Variants in KIAA1549 observed in about 807,000 individuals in gnomAD.
KIAA1549 encodes KIAA1549.
In KIAA1549, 70 loss-of-function variants were observed where a neutral mutation model predicts 156.4. The ratio of observed to expected loss-of-function variants is 0.45; its 90% CI spans 0.37 to 0.55. The LOEUF (loss-of-function observed/expected upper bound fraction) is 0.55. KIAA1549 is among the 20% of genes least tolerant of loss of function. The probability of loss-of-function intolerance (pLI) is 0.00; values close to 1 mark genes in which losing one functional copy is unlikely to be tolerated. For missense variants in KIAA1549, 2,428 were observed against 2,540.9 expected (o/e 0.96, Z 0.96); for synonymous variants, 1,103 against 1,066.4 (o/e 1.03, Z -0.67).
rs550110116 is a variant in KIAA1549 at position 138,834,636 on chromosome 7, T to C, written c.*3270A>G. 4.1e-4 allele frequency: 96 copies of C among 231,920 alleles called. 1 individual carries two copies. The highest frequency in any genetic ancestry group is 1.4e-3 in the African/African-American group (64 of 45,308). The allele number at this position is 231,920 out of a possible 1,614,324, so 14.4% of individuals were successfully genotyped here. On this transcript the variant is annotated 3_prime_UTR_variant, in exon 20 of 20. Transcript: ENST00000422774. Reference sequence around the variant, plus strand: ...ATGCTTAATAAATGCAATCGGAAAATTGGTGAAGGAAGTGAAATTAAAGCA... The same window carrying C: ...ATGCTTAATAAATGCAATCGGAAAACTGGTGAAGGAAGTGAAATTAAAGCA...
intron 1 of KIAA1549, among the ~76,000 whole-genome samples, chr7:138,954,288 T>C (rs1192010423): frequency 1.3e-5 from 2 of 152,130 alleles, no homozygotes; most frequent in Non-Finnish European, 2.9e-5. Flanking sequence ...GGGCAGGCAC[T>C]CCCTTTGGGG....
chr7:138,946,586 C>T (rs183647321), intron 1 of KIAA1549, among the ~76,000 whole-genome samples: 58 of 152,238 alleles, frequency 3.8e-4, no homozygotes, highest in Non-Finnish European at 7.9e-4. Context: ...TCAAGACCAG[C>T]CTGAGCAACA....
chr7:138,931,299 T>C (rs944569524), intron 1 of KIAA1549, among the ~76,000 whole-genome samples: 1 of 152,226 alleles, frequency 6.6e-6, no homozygotes, highest in Non-Finnish European at 1.5e-5. Flanking sequence ...AGGGCTACCA[T>C]GAGCCTTCCA....
At chr7:138,914,582 A>G (rs1279779961) in intron 2 of KIAA1549, among the ~76,000 whole-genome samples, 3 of 152,178 alleles carry the variant, frequency 2.0e-5, no homozygotes, top group Admixed American at 1.3e-4. Flanking sequence ...ACACTCTCTC[A>G]CTAACGGACA....
chr7:138,960,367 T>C (rs903651674), intron 1 of KIAA1549, among the ~76,000 whole-genome samples: 15 of 148,392 alleles, frequency 1.0e-4, no homozygotes, highest in African/African-American at 3.4e-4. Context: ...TGGAGTGCAG[T>C]GGCACTATCT....
At chr7:138,956,066 G>C (rs888666198) in intron 1 of KIAA1549, among the ~76,000 whole-genome samples, 4 of 152,140 alleles carry the variant, frequency 2.6e-5, no homozygotes, top group Non-Finnish European at 4.4e-5. Flanking sequence ...GCTAATTTTT[G>C]TATTTTTAGT....
intron 9 of KIAA1549, among the ~76,000 whole-genome samples, chr7:138,895,972 C>T (rs1811673247): frequency 6.6e-6 from 1 of 151,282 alleles, no homozygotes; most frequent in South Asian, 2.1e-4. Context: ...GCCACACCCA[C>T]CCCACCCGGC....
intron 17 of KIAA1549, among the ~76,000 whole-genome samples, chr7:138,845,901 G>A (rs1238893380): frequency 2.6e-5 from 4 of 152,142 alleles, no homozygotes; most frequent in African/African-American, 9.7e-5. Context: ...AAACACCCGA[G>A]TCTGAATAAC....
chr7:138,914,447 G>A (rs950075687), intron 2 of KIAA1549, among the ~76,000 whole-genome samples: 2 of 152,204 alleles, frequency 1.3e-5, no homozygotes, highest in Admixed American at 6.5e-5. Flanking sequence ...CCCAGGGCGC[G>A]TGCAGGCAAG....
At chr7:138,900,863 T>C (rs1042291238) in intron 8 of KIAA1549, among the ~76,000 whole-genome samples, 1 of 152,254 alleles carries the variant, frequency 6.6e-6, no homozygotes, top group African/African-American at 2.4e-5. Context: ...ACCAGCACCA[T>C]GCTTTTTGTA....
chr7:138,883,313 C>CTT (rs112709363), intron 10 of KIAA1549, among the ~76,000 whole-genome samples: 4 of 123,664 alleles, frequency 3.2e-5, no homozygotes, highest in Admixed American at 8.1e-5. Context: ...GTTCACATTT[C>CTT]TTTTTTTTTT....
At chr7:138,955,008 C>T (rs571161639) in intron 1 of KIAA1549, among the ~76,000 whole-genome samples, 1 of 152,112 alleles carries the variant, frequency 6.6e-6, no homozygotes, top group Non-Finnish European at 1.5e-5. Flanking sequence ...GGATTAAGTC[C>T]CCGCACACAC....
At chr7:138,882,191 G>A (rs6974361) in intron 10 of KIAA1549, among the ~76,000 whole-genome samples, 68,754 of 152,146 alleles carry the variant, frequency 0.45, 16,793 homozygotes, top group African/African-American at 0.64. Flanking sequence ...GGAAGCAGGA[G>A]GAGAGCCTGG....
At chr7:138,940,824 T>C (rs1481615414) in intron 1 of KIAA1549, among the ~76,000 whole-genome samples, 1 of 152,240 alleles carries the variant, frequency 6.6e-6, no homozygotes, top group Non-Finnish European at 1.5e-5. Flanking sequence ...TTTTGAGAAG[T>C]GTCTGTTCAT....
At chr7:138,873,936 ATATAT>A (rs1563058181) in intron 12 of KIAA1549, among the ~76,000 whole-genome samples, 4 of 149,326 alleles carry the variant, frequency 2.7e-5, no homozygotes, top group African/African-American at 9.8e-5. Flanking sequence ...TACATATAAT[ATATAT>A]CACACATATA....
In KIAA1549 at chr7:138,837,946, A is replaced by G; in HGVS notation, c.5813T>C (p.Leu1938Pro). ...IKAIREELLR[L>P]SQKQSTVQNF... is the part of the protein sequence containing the mutation. ...CTGCACGGTGCTCTGTTTCTGGGAG[A>G]GCCGGAGGAGCTCCTCGCGGATTGC... Residue 1938 changes from leucine (L) to proline (P), a missense_variant, in exon 20 of 20, where the codon CTC becomes CCC. Physicochemically the swap from Leu to Pro is moderately conservative, Grantham distance 98. Transcript: ENST00000422774. 6.2e-7 allele frequency: 1 copy of G among 1,613,774 alleles called. No homozygotes were observed. The highest frequency in any genetic ancestry group is 8.5e-7 in the Non-Finnish European group (1 of 1,179,890).
At position 138,871,031 on chromosome 7, in the gene KIAA1549, G is replaced by A. The variant is rs112318544; in HGVS notation, c.4551+126C>T. 138 of 792,390 alleles carry A rather than the reference G, an allele frequency of 1.7e-4. No homozygotes were observed. The African/African-American group carries it at 2.1e-3, about 12-fold the overall frequency. The allele number at this position is 792,390 out of a possible 1,614,324, so 49.1% of individuals were successfully genotyped here. A position where few individuals can be genotyped will look rare whatever the true frequency, so the allele number is the denominator to read the frequency against. Reference sequence around the variant, plus strand: ...GGCGTTTCACCATGTTGGCCAGGCTGGTCTCAAACTCCCGACCTCAGGCGA... The same window carrying A: ...GGCGTTTCACCATGTTGGCCAGGCTAGTCTCAAACTCCCGACCTCAGGCGA... On this transcript the variant is annotated intron_variant, in intron 13 of 19. Transcript: ENST00000422774.
chr7:138,978,532 A>G (rs1261667580), intron 1 of KIAA1549, among the ~76,000 whole-genome samples: 1 of 152,210 alleles, frequency 6.6e-6, no homozygotes, highest in African/African-American at 2.4e-5. Context: ...ACAAATAGAC[A>G]AGAAATCGAT....
chr7:138,880,775 T>A (rs541491507), intron 11 of KIAA1549, among the ~76,000 whole-genome samples: 12 of 152,234 alleles, frequency 7.9e-5, no homozygotes, highest in African/African-American at 2.9e-4. Flanking sequence ...CCTGGAAAAC[T>A]AATAGGCAAT....
Sources: allele counts gnomAD v4.1 joint callset (sites outside exome capture counted in the v4.1 genomes callset), GRCh38; gene constraint gnomAD v4.1.1; transcripts MANE v1.5; gene names NCBI Gene and HGNC (gene_info 2026-07-23, HGNC 2026-07-21).